The following PHEX variants were observed in gnomAD, a reference collection of about 807,000 sequenced individuals.
PHEX encodes phosphate regulating endopeptidase X-linked.
PHEX carries 16 observed loss-of-function variants against 68.0 expected under a neutral mutation model. The ratio of observed to expected loss-of-function variants is 0.24; its 90% confidence interval spans 0.16 to 0.36. The LOEUF (loss-of-function observed/expected upper bound fraction) is 0.36, where lower values mean the gene tolerates loss of function less well. Among genes scored for constraint, PHEX ranks in the 10% least tolerant of loss-of-function variants. The probability of loss-of-function intolerance (pLI) is 1.00; values close to 1 mark genes in which losing one functional copy is unlikely to be tolerated. For synonymous variants in PHEX, 208 were observed against 205.1 expected, an observed-to-expected ratio of 1.01 and a Z score of -0.12; for missense variants, 480 against 575.5, an observed-to-expected ratio of 0.83 and a Z score of 1.70.
intron 20 of PHEX, among the ~76,000 whole-genome samples, chrX:22,233,782 G>T (rs1249966310): frequency 1.8e-5 from 2 of 111,623 alleles, no homozygotes; most frequent in Non-Finnish European, 3.8e-5. Context: ...GGAGAAGTTT[G>T]TTATCACCCA....
intron 9 of PHEX, chrX:22,099,509 T>C: frequency 6.5e-6 from 1 of 155,019 alleles, no homozygotes; most frequent in African/African-American, 3.2e-5. Context: ...TTTTGCTGCT[T>C]TTTTTTTTTT....
At chrX:22,174,935 C>T (rs768623289) in intron 13 of PHEX, among the ~76,000 whole-genome samples, 1 of 111,904 alleles carries the variant, frequency 8.9e-6, no homozygotes, top group East Asian at 2.8e-4. Flanking sequence ...TTAAGACCAA[C>T]GAAAATAACA....
intron 4 of PHEX, among the ~76,000 whole-genome samples, chrX:22,076,770 G>C (rs929876242): frequency 8.9e-6 from 1 of 112,254 alleles, no homozygotes; most frequent in Non-Finnish European, 1.9e-5. Context: ...ATCTGGTAGA[G>C]AATCCAGAAG....
chrX:22,234,332 G>A (rs1476725871), intron 20 of PHEX, among the ~76,000 whole-genome samples: 1 of 112,696 alleles, frequency 8.9e-6, no homozygotes, highest in African/African-American at 3.2e-5. Flanking sequence ...CTGGCTGTCA[G>A]GCAGGGACGT....
chrX:22,095,685 A>C (rs746346342), intron 7 of PHEX, among the ~76,000 whole-genome samples: 1 of 112,272 alleles, frequency 8.9e-6, no homozygotes, highest in Non-Finnish European at 1.9e-5. Flanking sequence ...GAAGCTAAGG[A>C]CACTGAAGCA....
At chrX:22,229,083 A>G (rs1415867510) in intron 20 of PHEX, among the ~76,000 whole-genome samples, 1 of 112,073 alleles carries the variant, frequency 8.9e-6, no homozygotes, top group Non-Finnish European at 1.9e-5. Flanking sequence ...ATGGCTACAC[A>G]GTATGCCATG....
intron 12 of PHEX, among the ~76,000 whole-genome samples, chrX:22,135,986 A>G (rs17314640): frequency 0.22 from 23,847 of 110,063 alleles, 2,374 homozygotes; most frequent in Middle Eastern, 0.33. Context: ...TGTTGAAGCA[A>G]TTTCAGCAGT....
chrX:22,235,321 A>ATACTT (rs1021932691), intron 20 of PHEX, among the ~76,000 whole-genome samples: 2 of 112,118 alleles, frequency 1.8e-5, no homozygotes, highest in Non-Finnish European at 3.8e-5. Context: ...TCGATGTTTC[A>ATACTT]TACTTTTAAG....
intron 11 of PHEX, among the ~76,000 whole-genome samples, chrX:22,115,131 C>G (rs969312373): frequency 9.9e-5 from 11 of 111,217 alleles, no homozygotes; most frequent in African/African-American, 3.0e-4. Context: ...AGTTTGAGGC[C>G]AGCCTGGCCA....
chrX:22,165,272 C>A (rs1933274340), intron 12 of PHEX, among the ~76,000 whole-genome samples: 1 of 111,355 alleles, frequency 9.0e-6, no homozygotes, highest in African/African-American at 3.3e-5. Flanking sequence ...GATGAGAATT[C>A]CTGTGTAAGT....
In PHEX at chrX:22,064,794, T is replaced by C. The variant is rs748587452; in HGVS notation, c.350-11594T>C. On this transcript the variant is annotated intron_variant, in intron 3 of 21. Transcript: ENST00000379374. Reference sequence around the variant, plus strand: ...GAATTTTGTATGTCTGATCTTATGGTACAGGGAGAGAGATTTTTTTCCCCT... The same window carrying C: ...GAATTTTGTATGTCTGATCTTATGGCACAGGGAGAGAGATTTTTTTCCCCT... 4.4e-5 allele frequency among the ~76,000 whole-genome samples: 5 copies of C among 112,578 alleles called. No homozygotes were observed. In the South Asian group the frequency reaches 1.1e-3, roughly 25 times the overall value.
intron 20 of PHEX, among the ~76,000 whole-genome samples, chrX:22,244,444 AT>A (rs1231401936): frequency 1.9e-5 from 2 of 106,288 alleles, no homozygotes; most frequent in Non-Finnish European, 3.9e-5. Context: ...AAAAAAAAAA[AT>A]ACAAAAATTA....
In PHEX at chrX:22,032,813, G is replaced by A; in HGVS notation, c.-193G>A. On this transcript the variant is annotated 5_prime_UTR_variant, in exon 1 of 22. Coordinates refer to ENST00000379374, the MANE Select transcript of PHEX (RefSeq NM_000444.6). ...GGAAAGCCAAGGCAACCAATATTTT[G>A]GTTTTTATAATTTTCATTTGTGAAG... is the stretch of plus-strand genomic sequence containing the variant. 2.2e-6 allele frequency: 1 copy of A among 457,666 alleles called. No homozygotes were observed. Among genetic ancestry groups the A allele is most frequent in the Non-Finnish European group, 3.9e-6 (1 of 258,402 alleles). 37.7% of individuals were successfully genotyped at this position (457,666 alleles called of 1,213,427 possible). A position where few individuals can be genotyped will look rare whatever the true frequency, so the allele number is the denominator to read the frequency against.
chrX:22,232,421 C>T (rs991225480), intron 20 of PHEX, among the ~76,000 whole-genome samples: 1 of 109,810 alleles, frequency 9.1e-6, no homozygotes, highest in African/African-American at 3.3e-5. Flanking sequence ...TTGTAGGTCT[C>T]TAAGGACTTG....
intron 5 of PHEX, among the ~76,000 whole-genome samples, chrX:22,078,278 A>G (rs1929248205): frequency 8.9e-6 from 1 of 112,220 alleles, no homozygotes; most frequent in Non-Finnish European, 1.9e-5. Flanking sequence ...CCACATGGAC[A>G]TACCCTGAGG....
chrX:22,189,563 C>A (rs1934134018), intron 14 of PHEX, among the ~76,000 whole-genome samples: 1 of 111,213 alleles, frequency 9.0e-6, no homozygotes, highest in Non-Finnish European at 1.9e-5. Flanking sequence ...ATGCCGAAAC[C>A]CTGTCTCTGA....
chrX:22,104,831 G>A (rs1056444955), intron 9 of PHEX, among the ~76,000 whole-genome samples: 28 of 111,097 alleles, frequency 2.5e-4, no homozygotes, highest in African/African-American at 9.3e-4. Context: ...GGCCAGGGCT[G>A]GATCCATGGA....
At chrX:22,134,100 C>T (rs937665237) in intron 12 of PHEX, among the ~76,000 whole-genome samples, 1 of 112,159 alleles carries the variant, frequency 8.9e-6, no homozygotes, top group African/African-American at 3.2e-5. Context: ...AGCATATCTC[C>T]TTCCCGACCC....
chrX:22,105,623 G>C (rs1165193493), intron 9 of PHEX, among the ~76,000 whole-genome samples: 1 of 111,665 alleles, frequency 9.0e-6, no homozygotes, highest in Admixed American at 9.5e-5. Context: ...ACGAGCAAAT[G>C]CAAGTTCTGG....
Sources: gnomAD v4.1 joint callset for allele counts (sites outside exome capture counted in the v4.1 genomes callset) on GRCh38, gnomAD v4.1.1 for gene constraint, MANE v1.5 for transcripts, NCBI Gene and HGNC (gene_info 2026-07-23, HGNC 2026-07-21) for gene names.